NKAIN2: variants seen among roughly 807,000 people sequenced by gnomAD.
NKAIN2 encodes sodium/potassium-transporting ATPase subunit beta-1-interacting protein 2.
Under a neutral mutation model 32.6 loss-of-function variants are expected in NKAIN2, and 14 were observed. The ratio of observed to expected loss-of-function variants is 0.43; its 90% confidence interval spans 0.28 to 0.67. The LOEUF (loss-of-function observed/expected upper bound fraction) is 0.67. NKAIN2 is among the 30% of genes least tolerant of loss of function. The pLI is 0.17. For synonymous variants in NKAIN2, 80 were observed against 87.2 expected (o/e 0.92, Z 0.46); for missense variants, 198 against 258.3 (o/e 0.77, Z 1.60).
chr6:124,818,719 G>A (rs543430331), intron 6 of NKAIN2, among the ~76,000 whole-genome samples: 4 of 152,034 alleles, frequency 2.6e-5, no homozygotes, highest in East Asian at 1.9e-4. Context: ...TGGCTCAAAA[G>A]CCTATGTTAA....
At chr6:124,028,716 C>T (rs1472567176) in intron 1 of NKAIN2, among the ~76,000 whole-genome samples, 2 of 139,412 alleles carry the variant, frequency 1.4e-5, no homozygotes, top group Non-Finnish European at 3.0e-5. Flanking sequence ...TGTATATATA[C>T]GTGTATATAC....
At position 124,510,538 on chromosome 6, in the gene NKAIN2, G is replaced by T. The variant is rs566231844; in HGVS notation, c.274-147648G>T. On this transcript the variant is annotated intron_variant, in intron 3 of 6. Transcript: ENST00000368417. ...GGAATCTGCATGCCATCTTTATAAA[G>T]TTAAGAGATTCATGCTGTTCTTTAT... 5.3e-5 allele frequency among the ~76,000 whole-genome samples: 8 copies of T among 152,242 alleles called. No homozygotes were observed. The South Asian group carries it at 1.7e-3, about 32-fold the overall frequency.
intron 3 of NKAIN2, among the ~76,000 whole-genome samples, chr6:124,411,257 A>T (rs1774163421): frequency 6.6e-6 from 1 of 152,012 alleles, no homozygotes. Context: ...TCGTTAGTTG[A>T]TGCAGTTTCT....
chr6:124,652,067 A>C (rs181186720), intron 3 of NKAIN2, among the ~76,000 whole-genome samples: 55 of 152,322 alleles, frequency 3.6e-4, no homozygotes, highest in Middle Eastern at 3.4e-3. Context: ...TATGAAGTTA[A>C]AAGAAGCCAC....
intron 1 of NKAIN2, among the ~76,000 whole-genome samples, chr6:124,228,261 G>A (rs1281504403): frequency 6.6e-6 from 1 of 152,066 alleles, no homozygotes; most frequent in Non-Finnish European, 1.5e-5. Context: ...TCCCAAATGG[G>A]CTTAGTGCTC....
chr6:124,815,227 T>TAC (rs995579600), intron 5 of NKAIN2, among the ~76,000 whole-genome samples: 1 of 135,492 alleles, frequency 7.4e-6, no homozygotes, highest in Admixed American at 7.2e-5. Flanking sequence ...TATATATACA[T>TAC]ATATATATAT....
At chr6:123,995,392 G>A (rs1039933693) in intron 1 of NKAIN2, among the ~76,000 whole-genome samples, 6 of 152,130 alleles carry the variant, frequency 3.9e-5, no homozygotes, top group African/African-American at 1.4e-4. Context: ...ACTTGCACAT[G>A]CTTTAAGTAA....
intron 3 of NKAIN2, among the ~76,000 whole-genome samples, chr6:124,478,577 CTAAA>C (rs1382487146): frequency 6.6e-6 from 1 of 152,080 alleles, no homozygotes; most frequent in Non-Finnish European, 1.5e-5. Flanking sequence ...AGAAAGGGCT[CTAAA>C]TAACCAAAGC....
chr6:124,780,438 C>A (rs1376431078), intron 4 of NKAIN2, among the ~76,000 whole-genome samples: 1 of 152,140 alleles, frequency 6.6e-6, no homozygotes, highest in Non-Finnish European at 1.5e-5. Context: ...GCCCATGTTT[C>A]ATGTAGGCAT....
At chr6:124,136,175 A>G (rs1786774938) in intron 1 of NKAIN2, among the ~76,000 whole-genome samples, 1 of 152,220 alleles carries the variant, frequency 6.6e-6, no homozygotes. Flanking sequence ...GCTCAATAGT[A>G]AACAAAATGG....
At chr6:124,370,160 G>A (rs1799692400) in intron 3 of NKAIN2, among the ~76,000 whole-genome samples, 1 of 150,810 alleles carries the variant, frequency 6.6e-6, no homozygotes, top group Non-Finnish European at 1.5e-5. Context: ...CAGGTAACCA[G>A]GGAGCAATGT....
intron 3 of NKAIN2, among the ~76,000 whole-genome samples, chr6:124,393,018 T>A (rs993828274): frequency 6.6e-6 from 1 of 152,054 alleles, no homozygotes; most frequent in Non-Finnish European, 1.5e-5. Flanking sequence ...AACAAATAAA[T>A]ACATAAATAC....
intron 4 of NKAIN2, among the ~76,000 whole-genome samples, chr6:124,783,271 C>T (rs1467696178): frequency 6.6e-6 from 1 of 152,130 alleles, no homozygotes; most frequent in East Asian, 1.9e-4. Context: ...AAGAAATCTA[C>T]CAGTTTCCAG....
At chr6:124,565,554 C>G (rs1410254400) in intron 3 of NKAIN2, among the ~76,000 whole-genome samples, 2 of 152,156 alleles carry the variant, frequency 1.3e-5, no homozygotes, top group Non-Finnish European at 2.9e-5. Flanking sequence ...GTAATCTCCT[C>G]CTTTTGGATT....
At position 124,268,542 on chromosome 6, in the gene NKAIN2, C is replaced by T. The variant is rs1029191813; in HGVS notation, c.55-14463C>T. Reference sequence around the variant, plus strand: ...CACTATGTGAAGTAGAAAAAAAACTCTATTACTTACATATTTTTATTAGCT... The same window carrying T: ...CACTATGTGAAGTAGAAAAAAAACTTTATTACTTACATATTTTTATTAGCT... On this transcript the variant is annotated intron_variant, in intron 1 of 6. Coordinates refer to ENST00000368417, the MANE Select transcript of NKAIN2 (RefSeq NM_001040214.3). 4.1e-4 allele frequency among the ~76,000 whole-genome samples: 62 copies of T among 151,428 alleles called. 2 individuals carry two copies. The highest frequency in any genetic ancestry group is 1.5e-3 in the African/African-American group (61 of 40,870).
intron 1 of NKAIN2, among the ~76,000 whole-genome samples, chr6:123,925,288 T>C (rs1189402065): frequency 6.6e-6 from 1 of 152,206 alleles, no homozygotes; most frequent in African/African-American, 2.4e-5. Context: ...TATAAATAAT[T>C]TCTATTCAAG....
At chr6:124,280,266 T>C (rs41446449) in intron 1 of NKAIN2, among the ~76,000 whole-genome samples, 28,850 of 152,090 alleles carry the variant, frequency 0.19, 2,976 homozygotes, top group East Asian at 0.26. Context: ...AGGAGCTTTG[T>C]CTTAACCAAT....
intron 3 of NKAIN2, among the ~76,000 whole-genome samples, chr6:124,418,476 ATATATATATAGTTTATT>A (rs1774596425): frequency 1.4e-5 from 2 of 147,954 alleles, no homozygotes; most frequent in East Asian, 3.9e-4. Flanking sequence ...TTTATATAGT[ATATATATATAGTTTATT>A]TATATATATA....
chr6:123,958,081 C>T (rs1037012372), intron 1 of NKAIN2, among the ~76,000 whole-genome samples: 2 of 152,080 alleles, frequency 1.3e-5, no homozygotes, highest in Non-Finnish European at 2.9e-5. Context: ...TATCTATTGT[C>T]CACCCAAGCT....
Sources: allele counts gnomAD v4.1 joint callset (sites outside exome capture counted in the v4.1 genomes callset), GRCh38; gene constraint gnomAD v4.1.1; transcripts MANE v1.5; gene names NCBI Gene and HGNC (gene_info 2026-07-23, HGNC 2026-07-21).